Variants in TCTN2 observed in about 807,000 individuals in gnomAD.
TCTN2 encodes tectonic-2.
Under a neutral mutation model 83.4 loss-of-function variants are expected in TCTN2, and 66 were observed. That is an observed-to-expected ratio of 0.79 (90% CI 0.65 to 0.97). The LOEUF (loss-of-function observed/expected upper bound fraction) is 0.97. Ranked by LOEUF, TCTN2 falls within the 50% of genes least tolerant of loss-of-function variation. The pLI is 0.00. For missense variants in TCTN2, 794 were observed against 858.1 expected, an observed-to-expected ratio of 0.93 and a Z score of 0.93; for synonymous variants, 301 against 326.7, an observed-to-expected ratio of 0.92 and a Z score of 0.85.
intron 8 of TCTN2, among the ~76,000 whole-genome samples, chr12:123,691,611 C>T (rs187273145): frequency 7.9e-5 from 12 of 152,190 alleles, no homozygotes; most frequent in Admixed American, 3.3e-4. Context: ...CATGAACACT[C>T]GTGTCCAAGT....
In TCTN2 at chr12:123,704,624, C is replaced by G. The variant is rs371239697; in HGVS notation, c.1705C>G (p.Leu569Val). ...DIPAHLSIRI[L>V]ISDAGAVEGI... The stretch of plus-strand genomic sequence containing the variant: ...TCCTGCTCACCTGAGCATCCGCATC[C>G]TCATCTCGGATGCTGGCGCGGTGGA... Residue 569 changes from leucine to valine, a missense_variant, in exon 15 of 18, where the codon CTC (leucine) becomes GTC (valine). By Grantham distance (32) the Leu-to-Val change is conservative. Coordinates refer to ENST00000303372, the MANE Select transcript of TCTN2 (RefSeq NM_024809.5). The G allele has an allele frequency of 7.4e-6, 12 of 1,613,388 alleles. No homozygotes were observed. In the East Asian group the frequency reaches 2.2e-4, roughly 30 times the overall value.
chr12:123,677,742 C>G (rs936812150), intron 4 of TCTN2, among the ~76,000 whole-genome samples: 2 of 152,162 alleles, frequency 1.3e-5, no homozygotes, highest in Non-Finnish European at 2.9e-5. Context: ...TCATCCACCC[C>G]CTCTGTCTTC....
At chr12:123,701,913 T>C (rs1213838107) in intron 14 of TCTN2, among the ~76,000 whole-genome samples, 1 of 152,108 alleles carries the variant, frequency 6.6e-6, no homozygotes, top group Non-Finnish European at 1.5e-5. Context: ...GGAATAAAGG[T>C]AAACCAGACT....
Position 123,680,989 on chromosome 12 carries a change from C to A in TCTN2, c.564+1700C>A, listed in dbSNP as rs187134183. Among the ~76,000 whole-genome samples the A allele has an allele frequency of 6.1e-3, 931 of 152,054 alleles. 5 individuals are homozygous for A. Among genetic ancestry groups the A allele is most frequent in the Non-Finnish European group, 0.01 (689 of 67,962 alleles). On this transcript the variant is annotated intron_variant, in intron 5 of 17. Transcript: ENST00000303372. ...AAAAGAAAGAATAAGAAAGAACAGGCCTGGCGAAGCAGCTCACGCCTGTAA... is the reference window on the plus strand; with the variant it reads ...AAAAGAAAGAATAAGAAAGAACAGGACTGGCGAAGCAGCTCACGCCTGTAA...
In TCTN2 at chr12:123,695,998, C is replaced by T. The variant is rs1162917849; in HGVS notation, c.1313-417C>T. ...AGCTGGGATTACAGGTGCCCACCAA[C>T]ACCCTCAGCAAATTTTTGTACTTTT... On this transcript the variant is annotated intron_variant, in intron 11 of 17. Coordinates refer to ENST00000303372, the MANE Select transcript of TCTN2 (RefSeq NM_024809.5). 1.8e-5 allele frequency: 4 copies of T among 221,562 alleles called. No individual in the cohort carries two copies. In the South Asian group the frequency reaches 2.6e-4, roughly 14 times the overall value. 13.7% of individuals were successfully genotyped at this position (221,562 alleles called of 1,614,324 possible).
chr12:123,692,868 T>A, intron 9 of TCTN2, 145 bp downstream of exon 9: 3 of 745,346 alleles, frequency 4.0e-6, no homozygotes, highest in Non-Finnish European at 7.0e-6. Flanking sequence ...GAACATTTCA[T>A]TTGTTCCTCG....
At chr12:123,701,975 T>C (rs1462435924) in intron 14 of TCTN2, among the ~76,000 whole-genome samples, 1 of 152,152 alleles carries the variant, frequency 6.6e-6, no homozygotes, top group Non-Finnish European at 1.5e-5. Flanking sequence ...AAATATCCTT[T>C]GAGTCATGGA....
chr12:123,678,966 T>A (rs1445431356), intron 4 of TCTN2, among the ~76,000 whole-genome samples: 1 of 151,970 alleles, frequency 6.6e-6, no homozygotes, highest in Non-Finnish European at 1.5e-5. Flanking sequence ...CCCAGCTAAC[T>A]TTTTGTATTT....
intron 4 of TCTN2, among the ~76,000 whole-genome samples, chr12:123,674,519 C>T (rs1259304310): frequency 2.0e-5 from 3 of 152,198 alleles, no homozygotes; most frequent in Non-Finnish European, 2.9e-5. Flanking sequence ...CCGCCTGCCT[C>T]GGCCTCCCAA....
rs149430216 is a variant in TCTN2 at position 123,686,991 on chromosome 12, C to A, written c.720C>A (p.Pro240=). 5 of 1,614,044 alleles carry A rather than the reference C, an allele frequency of 3.1e-6. No individual in the cohort carries two copies. The highest frequency in any genetic ancestry group is 1.6e-4 in the Middle Eastern group (1 of 6,084). Residue 240 remains proline, a synonymous_variant, in exon 6 of 18, where the codon CCC becomes CCA. Coordinates refer to ENST00000303372, the MANE Select transcript of TCTN2 (RefSeq NM_024809.5). ...TTCCCTTTCTGTGTGTGCAGTCCCCCCTTGCCAACACACCCTTCCTTGGTT... is the reference window on the plus strand; with the variant it reads ...TTCCCTTTCTGTGTGTGCAGTCCCCACTTGCCAACACACCCTTCCTTGGTT... The part of the protein sequence containing the change: ...DWFPFLCVQS[P]LANTPFLGYF...
In TCTN2 at chr12:123,694,892, C is replaced by A. The variant is rs372235872; in HGVS notation, c.1150C>A (p.His384Asn). The change falls in exon 10 of 18, where the codon CAT (histidine) becomes AAT (asparagine). Residue 384 changes from histidine to asparagine, a missense_variant. Physicochemically the swap from His to Asn is moderately conservative, Grantham distance 68. Coordinates refer to ENST00000303372, the MANE Select transcript of TCTN2 (RefSeq NM_024809.5). ...CCCTAGAATTGTGAATGTGGAAGAACATTATATTTTCAAATGGAATAATAA... is the reference window on the plus strand; with the variant it reads ...CCCTAGAATTGTGAATGTGGAAGAAAATTATATTTTCAAATGGAATAATAA... ...STPRIVNVEE[H>N]YIFKWNNNTI... 2 of 1,613,116 alleles carry A rather than the reference C, an allele frequency of 1.2e-6. No individual in the cohort carries two copies. Among genetic ancestry groups the A allele is most frequent in the South Asian group, 2.2e-5 (2 of 91,070 alleles).
intron 17 of TCTN2, 103 bp downstream of exon 17, chr12:123,707,176 T>C: frequency 2.0e-6 from 2 of 1,025,128 alleles, no homozygotes; most frequent in Non-Finnish European, 2.9e-6. Context: ...ATATAGAAAC[T>C]TAAAAAAAAG....
chr12:123,704,675 G>T lies in TCTN2; in HGVS notation c.1756G>T (p.Gly586Cys), dbSNP rs199543783. Reference protein sequence around the residue: ...VEGITQQEILGVETRFSSVNW... With the variant: ...VEGITQQEILCVETRFSSVNW... ...AGGGATTACTCAGCAGGAGATACTC[G>T]GTGTAGAGACAAGGTATGATCACAT... Residue 586 changes from glycine (G) to cysteine (C), a missense_variant, in exon 15 of 18, where the codon GGT becomes TGT. Coordinates refer to ENST00000303372, the MANE Select transcript of TCTN2 (RefSeq NM_024809.5). 1 of 1,613,284 alleles carries T rather than the reference G, an allele frequency of 6.2e-7. No individual in the cohort carries two copies. The highest frequency in any genetic ancestry group is 8.5e-7 in the Non-Finnish European group (1 of 1,179,894).
At chr12:123,675,025 G>A (rs1164285020) in intron 4 of TCTN2, among the ~76,000 whole-genome samples, 1 of 152,066 alleles carries the variant, frequency 6.6e-6, no homozygotes, top group African/African-American at 2.4e-5. Context: ...CTACTGGCGT[G>A]CACCACCACA....
chr12:123,699,874 C>T, intron 14 of TCTN2, 64 bp downstream of exon 14: 1 of 1,320,690 alleles, frequency 7.6e-7, no homozygotes, highest in Non-Finnish European at 1.1e-6. Context: ...ACTGTAGTCG[C>T]AGCATTAGAG....
chr12:123,680,243 T>C (rs1051102118), intron 5 of TCTN2, among the ~76,000 whole-genome samples: 2 of 150,568 alleles, frequency 1.3e-5, no homozygotes, highest in Non-Finnish European at 3.0e-5. Flanking sequence ...TCCCAGCTAC[T>C]CTGGAGGCTG....
At chr12:123,692,603 G>A (rs777179007) in intron 8 of TCTN2, 55 bp from the exon 9 acceptor site, 1 of 1,373,290 alleles carries the variant, frequency 7.3e-7, no homozygotes, top group Non-Finnish European at 1.0e-6. Context: ...GAGTAAGTGT[G>A]ATCATGGTAG....
At chr12:123,693,733 C>T (rs997659333) in intron 9 of TCTN2, among the ~76,000 whole-genome samples, 3 of 151,602 alleles carry the variant, frequency 2.0e-5, no homozygotes, top group Non-Finnish European at 2.9e-5. Context: ...GGGTTACAGG[C>T]GTGAGCCACG....
chr12:123,694,762 G>C, intron 9 of TCTN2, 80 bp from the exon 10 acceptor site: 1 of 1,528,084 alleles, frequency 6.5e-7, no homozygotes, highest in Non-Finnish European at 9.0e-7. Flanking sequence ...GGAAGGCCAC[G>C]CAAGCAGAGA....
Sources: gnomAD v4.1 joint callset for allele counts (sites outside exome capture counted in the v4.1 genomes callset) on GRCh38, gnomAD v4.1.1 for gene constraint, MANE v1.5 for transcripts, NCBI Gene and HGNC (gene_info 2026-07-23, HGNC 2026-07-21) for gene names.